The following CIB1 variants were observed in gnomAD, a reference collection of about 807,000 sequenced individuals.
CIB1 encodes the protein calcium and integrin binding 1.
In CIB1, 19 loss-of-function variants were observed where a neutral mutation model predicts 25.0. The ratio of observed to expected loss-of-function variants is 0.76; its 90% CI spans 0.53 to 1.12. The LOEUF is 1.12. Ranked by LOEUF, CIB1 falls within the 50% of genes most tolerant of loss-of-function variation. CIB1 has a pLI of 0.00. For synonymous variants in CIB1, 104 were observed against 98.5 expected (o/e 1.06, Z -0.33); for missense variants, 236 against 242.6 (o/e 0.97, Z 0.18).
the CIB1 span, among the ~76,000 whole-genome samples, chr15:90,254,653 C>A: frequency 6.6e-6 from 1 of 151,714 alleles, no homozygotes; most frequent in African/African-American, 2.4e-5. Context: ...GCCTGGGCAA[C>A]AGGCAAAACC....
the CIB1 span, chr15:90,257,536 G>A: frequency 7.8e-6 from 9 of 1,149,350 alleles, no homozygotes; most frequent in South Asian, 5.6e-5. Flanking sequence ...GACAGGAGAC[G>A]AGAGATCCTC....
chr15:90,230,790 G>T, intron 6 of CIB1, 144 bp downstream of exon 6: 1 of 802,750 alleles, frequency 1.2e-6, no homozygotes, highest in Non-Finnish European at 2.1e-6. Flanking sequence ...TGCCCGGGGC[G>T]AGACTGCCAG....
chr15:90,241,378 T>A, the CIB1 span: 4 of 1,614,074 alleles, frequency 2.5e-6, no homozygotes. Flanking sequence ...CTGGTGGTGA[T>A]CAACGTCAGC....
the CIB1 span, among the ~76,000 whole-genome samples, chr15:90,250,448 C>A: frequency 6.6e-6 from 1 of 152,196 alleles, no homozygotes; most frequent in Non-Finnish European, 1.5e-5. Context: ...CATGCACCTC[C>A]ACCTACCTGG....
chr15:90,263,783 CTA>C, the CIB1 span: 1 of 703,494 alleles, frequency 1.4e-6, no homozygotes. Context: ...GAACTGAAAT[CTA>C]TGAGTCTGGT....
At chr15:90,241,040 A>G in the CIB1 span, 4 of 1,614,182 alleles carry the variant, frequency 2.5e-6, no homozygotes, top group South Asian at 4.4e-5. Flanking sequence ...TTCAGTGGCC[A>G]AGGAATGCAC....
At chr15:90,254,299 C>A in the CIB1 span, among the ~76,000 whole-genome samples, 5 of 151,720 alleles carry the variant, frequency 3.3e-5, no homozygotes, top group African/African-American at 9.7e-5. Context: ...TCAAGACCAG[C>A]CTGACCAACA....
chr15:90,239,708 C>G, the CIB1 span, among the ~76,000 whole-genome samples: 511 of 152,308 alleles, frequency 3.4e-3, 5 homozygotes, highest in African/African-American at 0.012. Flanking sequence ...CCATATCTAT[C>G]TATCTATCTA....
the CIB1 span, chr15:90,265,612 G>C: frequency 6.8e-7 from 1 of 1,472,746 alleles, no homozygotes; most frequent in Non-Finnish European, 9.3e-7. Flanking sequence ...GAAATAACTT[G>C]CTACTACCCA....
chr15:90,241,291 A>T, the CIB1 span: 2 of 1,614,180 alleles, frequency 1.2e-6, no homozygotes, highest in South Asian at 1.1e-5. Context: ...AACTTCAACA[A>T]GATCCGGCCC....
the CIB1 span, chr15:90,259,040 G>A: frequency 1.9e-6 from 3 of 1,569,156 alleles, no homozygotes; most frequent in Admixed American, 5.6e-5. Context: ...ACAACTTTTT[G>A]CATAGATAAT....
the CIB1 span, chr15:90,258,045 T>C: frequency 1.2e-6 from 2 of 1,613,986 alleles, no homozygotes; most frequent in Non-Finnish European, 1.7e-6. Context: ...CAGGAAGCTG[T>C]CGACACTCAA....
intron 2 of CIB1, 101 bp from the exon 3 acceptor site, chr15:90,232,428 C>T: frequency 6.9e-7 from 1 of 1,453,270 alleles, no homozygotes; most frequent in Non-Finnish European, 9.1e-7. Flanking sequence ...AGGTGAGGAG[C>T]TAAAACCACG....
In CIB1 at chr15:90,230,273, T is replaced by C; in HGVS notation, c.*211A>G. 1 of 610,750 alleles carries C rather than the reference T, an allele frequency of 1.6e-6. No homozygotes were observed. Among genetic ancestry groups the C allele is most frequent in the Non-Finnish European group, 3.0e-6 (1 of 338,212 alleles). 37.8% of individuals were successfully genotyped at this position (610,750 alleles called of 1,614,324 possible). On this transcript the variant is annotated 3_prime_UTR_variant, in exon 7 of 7. Coordinates refer to ENST00000328649, the MANE Select transcript of CIB1 (RefSeq NM_006384.4). ...GGTCAAACTTCTAAACCTTTATTACTGATTAGTACAAACACAAACGGAGCA... is the reference window on the plus strand; with the variant it reads ...GGTCAAACTTCTAAACCTTTATTACCGATTAGTACAAACACAAACGGAGCA...
chr15:90,262,591 G>C, the CIB1 span: 1 of 1,534,626 alleles, frequency 6.5e-7, no homozygotes, highest in Non-Finnish European at 8.7e-7. Context: ...AATCAGCTGG[G>C]GAGAAAAGCC....
At position 90,233,763 on chromosome 15, in the gene CIB1, A is replaced by G. The variant is rs996256371; in HGVS notation, c.52-60T>C. ...CGCTGGGAGGCCGCGGCCGCCCCGC[A>G]GCCAGCTCCCGGACCCTGCTCCCGA... On this transcript the variant is annotated intron_variant, in intron 1 of 6. Coordinates refer to ENST00000328649, the MANE Select transcript of CIB1 (RefSeq NM_006384.4). The G allele has an allele frequency of 9.1e-5, 141 of 1,552,374 alleles. No homozygotes were observed. In the East Asian group the frequency reaches 3.3e-3, roughly 36 times the overall value.
the CIB1 span, chr15:90,241,427 T>C: frequency 6.2e-7 from 1 of 1,613,558 alleles, no homozygotes; most frequent in Non-Finnish European, 8.5e-7. Flanking sequence ...TGCCTGAGCC[T>C]GCCCGCCAGC....
chr15:90,256,308 C>T, the CIB1 span: 1 of 1,614,050 alleles, frequency 6.2e-7, no homozygotes, highest in South Asian at 1.1e-5. Flanking sequence ...GTGAAGGATG[C>T]CTCAGGACCA....
chr15:90,245,495 AC>A, the CIB1 span: 1 of 151,998 alleles, frequency 6.6e-6, no homozygotes, highest in Non-Finnish European at 1.5e-5. Flanking sequence ...AAAGAAAAAA[AC>A]AGTTTACCAT....
Sources: gnomAD v4.1 joint callset for allele counts (sites outside exome capture counted in the v4.1 genomes callset) on GRCh38, gnomAD v4.1.1 for gene constraint, MANE v1.5 for transcripts, NCBI Gene and HGNC (gene_info 2026-07-23, HGNC 2026-07-21) for gene names.